The following SYT1 variants were observed in gnomAD, a reference collection of about 807,000 sequenced individuals.
SYT1 encodes synaptotagmin-1.
Under a neutral mutation model 44.8 loss-of-function variants are expected in SYT1, and 8 were observed. The observed-to-expected ratio is 0.18, with a 90% CI of 0.10 to 0.32. The LOEUF (loss-of-function observed/expected upper bound fraction) is 0.32, where lower values mean the gene tolerates loss of function less well. SYT1 is among the 10% of genes least tolerant of loss of function. The probability of loss-of-function intolerance (pLI) is 1.00; values close to 1 mark genes in which losing one functional copy is unlikely to be tolerated. For missense variants in SYT1, 286 were observed against 509.3 expected (o/e 0.56, Z 4.22); for synonymous variants, 154 against 188.8 (o/e 0.82, Z 1.51).
At chr12:79,163,649 C>A (rs1356762109) in intron 3 of SYT1, among the ~76,000 whole-genome samples, 1 of 152,054 alleles carries the variant, frequency 6.6e-6, no homozygotes, top group Non-Finnish European at 1.5e-5. Flanking sequence ...CTTTCTATTG[C>A]CGTTCTCGTT....
chr12:79,299,413 C>T lies in SYT1; in HGVS notation c.672C>T (p.Thr224=). The stretch of plus-strand genomic sequence containing the variant: ...CATACTCGGAATTGGGTGGCAAAAC[C>T]CTAGTGATGGCTGTATATGATTTTG... The part of the protein sequence containing the change: ...KVPYSELGGK[T]LVMAVYDFDR... The change falls in exon 8 of 11, where the codon ACC becomes ACT. Residue 224 remains threonine, a synonymous_variant. Coordinates refer to ENST00000261205, the MANE Select transcript of SYT1 (RefSeq NM_005639.3). The T allele has an allele frequency of 1.2e-6, 2 of 1,613,072 alleles. No homozygotes were observed. Among genetic ancestry groups the T allele is most frequent in the South Asian group, 2.2e-5 (2 of 91,002 alleles).
intron 2 of SYT1, among the ~76,000 whole-genome samples, chr12:78,980,785 A>G (rs1034099638): frequency 1.3e-5 from 2 of 152,190 alleles, no homozygotes; most frequent in African/African-American, 4.8e-5. Flanking sequence ...TTATATATTT[A>G]CTTTGAATAT....
At position 79,043,815 on chromosome 12, in the gene SYT1, G is replaced by A. The variant is rs540381733; in HGVS notation, c.-83-3482G>A. On this transcript the variant is annotated intron_variant, in intron 2 of 10. Transcript: ENST00000261205. ...CTTCCTTCAGGAGCTCTTTTAGGGC[G>A]GGCCTGGTGGTGACAAAATCTCTCA... 2.9e-3 allele frequency among the ~76,000 whole-genome samples: 439 copies of A among 152,154 alleles called. 5 individuals are homozygous for A. Among genetic ancestry groups the A allele is most frequent in the Non-Finnish European group, 4.9e-3 (334 of 67,990 alleles).
intron 8 of SYT1, among the ~76,000 whole-genome samples, chr12:79,309,321 G>A (rs1880640209): frequency 1.3e-5 from 2 of 151,952 alleles, no homozygotes; most frequent in South Asian, 4.2e-4. Flanking sequence ...AATAAAATAT[G>A]ATCCCAGTAG....
intron 8 of SYT1, among the ~76,000 whole-genome samples, chr12:79,344,544 T>C (rs1054266402): frequency 6.6e-6 from 1 of 152,070 alleles, no homozygotes; most frequent in African/African-American, 2.4e-5. Context: ...CCTCCACCTC[T>C]TGGGCCCAAG....
At chr12:79,015,924 G>T (rs1871776974) in intron 2 of SYT1, among the ~76,000 whole-genome samples, 1 of 152,148 alleles carries the variant, frequency 6.6e-6, no homozygotes, top group Non-Finnish European at 1.5e-5. Context: ...AGGTTGCACA[G>T]TGAGTCCACA....
chr12:79,308,174 T>G (rs567610418), intron 8 of SYT1, among the ~76,000 whole-genome samples: 1 of 152,298 alleles, frequency 6.6e-6, no homozygotes, highest in African/African-American at 2.4e-5. Flanking sequence ...TGAAGCAGAA[T>G]CTGAAGAACA....
intron 3 of SYT1, among the ~76,000 whole-genome samples, chr12:79,069,355 C>T (rs1876105142): frequency 2.6e-5 from 4 of 152,106 alleles, no homozygotes; most frequent in Admixed American, 1.3e-4. Flanking sequence ...TCACAAAATA[C>T]ATTACATACA....
chr12:78,888,565 T>C (rs1224337305), intron 1 of SYT1, among the ~76,000 whole-genome samples: 1 of 151,952 alleles, frequency 6.6e-6, no homozygotes, highest in East Asian at 1.9e-4. Flanking sequence ...CACTTAGAAA[T>C]GTCCAATAAA....
chr12:79,309,629 C>A (rs1222560026), intron 8 of SYT1, among the ~76,000 whole-genome samples: 1 of 152,162 alleles, frequency 6.6e-6, no homozygotes. Flanking sequence ...GTTTTGTGTG[C>A]ATGAATGGAA....
intron 1 of SYT1, among the ~76,000 whole-genome samples, chr12:78,877,817 C>T (rs1206493660): frequency 1.3e-5 from 2 of 151,644 alleles, no homozygotes; most frequent in African/African-American, 4.8e-5. Context: ...TTTGTAGAGA[C>T]AGGGTCTCAC....
At chr12:79,038,308 A>C (rs1402167653) in intron 2 of SYT1, among the ~76,000 whole-genome samples, 2 of 151,448 alleles carry the variant, frequency 1.3e-5, no homozygotes, top group Non-Finnish European at 3.0e-5. Context: ...CCATTATCTA[A>C]ATCACAATCT....
chr12:78,944,552 C>T (rs557250431), intron 1 of SYT1, among the ~76,000 whole-genome samples: 2 of 151,726 alleles, frequency 1.3e-5, no homozygotes, highest in Non-Finnish European at 2.9e-5. Context: ...ATTAAAAACT[C>T]CCTTAGAGAA....
chr12:79,338,444 AT>A (rs1458183768), intron 8 of SYT1, among the ~76,000 whole-genome samples: 1 of 149,394 alleles, frequency 6.7e-6, no homozygotes, highest in African/African-American at 2.5e-5. Flanking sequence ...ACCACCACTA[AT>A]TTTCTTTAAT....
At chr12:79,273,977 G>A (rs1267418488) in intron 4 of SYT1, among the ~76,000 whole-genome samples, 4 of 152,184 alleles carry the variant, frequency 2.6e-5, no homozygotes, top group African/African-American at 7.2e-5. Flanking sequence ...CCAGCTACTC[G>A]GGAGGCTGAG....
intron 4 of SYT1, among the ~76,000 whole-genome samples, chr12:79,258,404 C>T (rs1877648201): frequency 6.6e-6 from 1 of 152,032 alleles, no homozygotes; most frequent in Admixed American, 6.6e-5. Context: ...AGAGTTCTTC[C>T]AAGGATAGAG....
intron 4 of SYT1, among the ~76,000 whole-genome samples, chr12:79,264,183 CTTT>C (rs199984501): frequency 1.4e-5 from 2 of 141,204 alleles, no homozygotes; most frequent in East Asian, 2.0e-4. Context: ...AGCCCAGCAA[CTTT>C]TTTTTTTTTT....
At chr12:79,229,205 C>A (rs545278138) in intron 4 of SYT1, among the ~76,000 whole-genome samples, 3 of 152,178 alleles carry the variant, frequency 2.0e-5, no homozygotes, top group African/African-American at 7.2e-5. Flanking sequence ...GCAGCCTAAA[C>A]GGGGAGGAGG....
chr12:79,067,920 C>A (rs1210398045), intron 3 of SYT1, among the ~76,000 whole-genome samples: 1 of 152,144 alleles, frequency 6.6e-6, no homozygotes, highest in Non-Finnish European at 1.5e-5. Flanking sequence ...TGTGCTGCTG[C>A]GTTTCAGGGT....
Sources: allele counts gnomAD v4.1 joint callset (sites outside exome capture counted in the v4.1 genomes callset), GRCh38; gene constraint gnomAD v4.1.1; transcripts MANE v1.5; gene names NCBI Gene and HGNC (gene_info 2026-07-23, HGNC 2026-07-21).